The following NALF1 variants were observed in gnomAD, a reference collection of about 807,000 sequenced individuals.
NALF1 encodes NALCN channel auxiliary factor 1.
NALF1 carries 3 observed loss-of-function variants against 48.4 expected under a neutral mutation model. The ratio of observed to expected loss-of-function variants is 0.06; its 90% CI spans 0.03 to 0.16. NALF1 has a LOEUF of 0.16. Among genes scored for constraint, NALF1 ranks in the 10% least tolerant of loss-of-function variants. The pLI is 1.00. For missense variants in NALF1, 526 were observed against 571.5 expected, an observed-to-expected ratio of 0.92 and a Z score of 0.81; for synonymous variants, 262 against 245.7, an observed-to-expected ratio of 1.07 and a Z score of -0.62.
chr13:107,450,459 G>A (rs1884722151), intron 1 of NALF1, among the ~76,000 whole-genome samples: 1 of 152,166 alleles, frequency 6.6e-6, no homozygotes, highest in African/African-American at 2.4e-5. Context: ...TGTGAATAGA[G>A]CTGTTTTTGC....
At chr13:107,846,185 C>T (rs1162360853) in intron 1 of NALF1, among the ~76,000 whole-genome samples, 1 of 152,130 alleles carries the variant, frequency 6.6e-6, no homozygotes, top group African/African-American at 2.4e-5. Flanking sequence ...TAGCTGCAAG[C>T]GTCCTGTATC....
intron 1 of NALF1, among the ~76,000 whole-genome samples, chr13:107,798,972 A>G (rs1436209794): frequency 1.3e-5 from 2 of 152,226 alleles, no homozygotes; most frequent in African/African-American, 4.8e-5. Flanking sequence ...CAAGTGCCTT[A>G]TAATTAGTCT....
intron 1 of NALF1, among the ~76,000 whole-genome samples, chr13:107,492,759 A>C (rs2139070903): frequency 6.6e-6 from 1 of 152,326 alleles, no homozygotes; most frequent in African/African-American, 2.4e-5. Flanking sequence ...ATGGCTGTAC[A>C]TCATGGATAG....
intron 1 of NALF1, among the ~76,000 whole-genome samples, chr13:107,349,966 C>G (rs779266543): frequency 2.6e-5 from 4 of 152,094 alleles, no homozygotes; most frequent in Non-Finnish European, 5.9e-5. Flanking sequence ...ACTGTCTCAC[C>G]TCAGATCATC....
rs534463504 is a variant in NALF1, at chr13:107,166,234, C to T, written c.*4263G>A. On this transcript the variant is annotated 3_prime_UTR_variant, in exon 3 of 3. Coordinates refer to ENST00000375915, the MANE Select transcript of NALF1 (RefSeq NM_001080396.3). ...AGGAGTTCAAGACTAGCCTGGCCAA[C>T]ATGGCGACACCACGTCTCTACTAAA... 6.6e-6 allele frequency: 1 copy of T among 152,316 alleles called. No individual in the cohort carries two copies. Among genetic ancestry groups the T allele is most frequent in the East Asian group, 1.9e-4 (1 of 5,168 alleles). The allele number at this position is 152,316 out of a possible 1,614,324, so 9.4% of individuals were successfully genotyped here.
chr13:107,195,945 A>G (rs1335808074), intron 2 of NALF1, among the ~76,000 whole-genome samples: 1 of 152,226 alleles, frequency 6.6e-6, no homozygotes, highest in Non-Finnish European at 1.5e-5. Flanking sequence ...CGTGGTACAT[A>G]TACACTATGG....
intron 1 of NALF1, among the ~76,000 whole-genome samples, chr13:107,247,345 T>C (rs759282907): frequency 7.9e-5 from 12 of 152,194 alleles, no homozygotes; most frequent in Non-Finnish European, 1.6e-4. Flanking sequence ...CCTGGAAAGA[T>C]GACAAAATCT....
intron 1 of NALF1, among the ~76,000 whole-genome samples, chr13:107,226,216 A>G (rs1594078762): frequency 6.6e-6 from 1 of 152,080 alleles, no homozygotes; most frequent in Non-Finnish European, 1.5e-5. Context: ...GGCAGACAGA[A>G]AGGGAAGCCA....
chr13:107,411,718 A>C (rs1883995010), intron 1 of NALF1, among the ~76,000 whole-genome samples: 1 of 152,182 alleles, frequency 6.6e-6, no homozygotes, highest in South Asian at 2.1e-4. Context: ...TGTTATGCCA[A>C]CCCACTCCCC....
chr13:107,493,683 C>G (rs1419405104), intron 1 of NALF1, among the ~76,000 whole-genome samples: 2 of 151,994 alleles, frequency 1.3e-5, no homozygotes, highest in East Asian at 3.9e-4. Context: ...TCAAGACCAG[C>G]CTGGGCAACG....
intron 1 of NALF1, among the ~76,000 whole-genome samples, chr13:107,525,519 C>A (rs964044422): frequency 6.6e-6 from 1 of 152,072 alleles, no homozygotes; most frequent in Admixed American, 6.6e-5. Flanking sequence ...CCTTTCACCC[C>A]GTGGAAGATG....
chr13:107,597,391 C>T (rs1156684770), intron 1 of NALF1, among the ~76,000 whole-genome samples: 2 of 152,094 alleles, frequency 1.3e-5, no homozygotes, highest in African/African-American at 4.8e-5. Context: ...TAAAGAATGT[C>T]TACAGTAGGT....
chr13:107,392,679 ATG>A (rs36079800), intron 1 of NALF1, among the ~76,000 whole-genome samples: 21,394 of 151,730 alleles, frequency 0.14, 1,906 homozygotes, highest in Non-Finnish European at 0.19. Context: ...TTCTCCAAGC[ATG>A]TGTGTGTGTG....
chr13:107,300,123 T>A (rs1361404203), intron 1 of NALF1, among the ~76,000 whole-genome samples: 1 of 152,206 alleles, frequency 6.6e-6, no homozygotes, highest in East Asian at 1.9e-4. Context: ...AATTTGGACA[T>A]AAATACCAAC....
At chr13:107,715,162 T>A (rs1875713573) in intron 1 of NALF1, among the ~76,000 whole-genome samples, 1 of 152,128 alleles carries the variant, frequency 6.6e-6, no homozygotes, top group Non-Finnish European at 1.5e-5. Flanking sequence ...ACTCTTTCAG[T>A]TATTGTAAAA....
intron 1 of NALF1, among the ~76,000 whole-genome samples, chr13:107,823,219 C>G (rs1280305879): frequency 1.3e-5 from 2 of 152,228 alleles, no homozygotes; most frequent in African/African-American, 4.8e-5. Context: ...GCTGCTACTT[C>G]TCTGCGGAGT....
chr13:107,688,819 G>T (rs963999649), intron 1 of NALF1, among the ~76,000 whole-genome samples: 3 of 152,134 alleles, frequency 2.0e-5, no homozygotes, highest in African/African-American at 7.2e-5. Flanking sequence ...AATACATAGA[G>T]GTCAGAGGCA....
chr13:107,865,475 G>A (rs1880685397), intron 1 of NALF1, among the ~76,000 whole-genome samples: 1 of 152,072 alleles, frequency 6.6e-6, no homozygotes, highest in African/African-American at 2.4e-5. Flanking sequence ...GATCTTCCAA[G>A]GACTCCCAGA....
intron 1 of NALF1, among the ~76,000 whole-genome samples, chr13:107,631,111 C>T (rs1472442632): frequency 1.3e-5 from 2 of 152,194 alleles, no homozygotes; most frequent in African/African-American, 2.4e-5. Context: ...AATCCTCCCA[C>T]CTCAGCCTCC....
Sources: allele counts gnomAD v4.1 joint callset (sites outside exome capture counted in the v4.1 genomes callset), GRCh38; gene constraint gnomAD v4.1.1; transcripts MANE v1.5; gene names NCBI Gene and HGNC (gene_info 2026-07-23, HGNC 2026-07-21).